Variants in SESN1 observed in about 807,000 individuals in gnomAD.
SESN1 encodes the protein sestrin 1, also known as sestrin-1.
In SESN1, 30 loss-of-function variants were observed where a neutral mutation model predicts 59.3. The observed-to-expected ratio is 0.51, with a 90% CI of 0.38 to 0.69. The LOEUF (loss-of-function observed/expected upper bound fraction) is 0.69, where lower values mean the gene tolerates loss of function less well. Ranked by LOEUF, SESN1 falls within the 30% of genes least tolerant of loss-of-function variation. The probability of loss-of-function intolerance (pLI) is 0.00; values close to 1 mark genes in which losing one functional copy is unlikely to be tolerated. For synonymous variants in SESN1, 197 were observed against 219.9 expected (o/e 0.90, Z 0.92); for missense variants, 566 against 673.0 (o/e 0.84, Z 1.76).
At chr6:109,011,885 T>C (rs1779865317) in intron 1 of SESN1, among the ~76,000 whole-genome samples, 1 of 152,140 alleles carries the variant, frequency 6.6e-6, no homozygotes, top group Admixed American at 6.5e-5. Flanking sequence ...CGCCTTTGCC[T>C]CCCAAAGTGC....
At chr6:108,989,326 T>C (rs1200284331) in intron 8 of SESN1, among the ~76,000 whole-genome samples, 1 of 152,116 alleles carries the variant, frequency 6.6e-6, no homozygotes, top group African/African-American at 2.4e-5. Context: ...AAACAGATTT[T>C]GAGTATTATC....
At chr6:108,989,013 CTAT>C (rs1428672384) in intron 8 of SESN1, among the ~76,000 whole-genome samples, 1 of 152,064 alleles carries the variant, frequency 6.6e-6, no homozygotes, top group African/African-American at 2.4e-5. Flanking sequence ...GAGGAACAAA[CTAT>C]TATTGAGACG....
chr6:109,023,371 T>C (rs1437829431), intron 1 of SESN1, among the ~76,000 whole-genome samples: 1 of 152,236 alleles, frequency 6.6e-6, no homozygotes, highest in African/African-American at 2.4e-5. Flanking sequence ...AATGTTATCA[T>C]GCTGAATAAG....
intron 9 of SESN1, chr6:108,988,320 T>A (rs746016287): frequency 2.5e-6 from 1 of 397,426 alleles, no homozygotes; most frequent in Non-Finnish European, 4.5e-6. Context: ...ATGCCAGCAC[T>A]TCTGAAGACG....
intron 1 of SESN1, among the ~76,000 whole-genome samples, chr6:109,060,475 T>C (rs376764570): frequency 2.2e-4 from 34 of 152,352 alleles, no homozygotes; most frequent in African/African-American, 7.5e-4. Context: ...GCCTTTTCTA[T>C]TGATTAGTTC....
At chr6:109,061,978 T>C (rs1780741062) in intron 1 of SESN1, among the ~76,000 whole-genome samples, 1 of 152,178 alleles carries the variant, frequency 6.6e-6, no homozygotes, top group Non-Finnish European at 1.5e-5. Flanking sequence ...TAAAAGATGG[T>C]GCTCTGAGGA....
At chr6:109,057,108 C>A (rs889857515) in intron 1 of SESN1, among the ~76,000 whole-genome samples, 1 of 152,194 alleles carries the variant, frequency 6.6e-6, no homozygotes, top group African/African-American at 2.4e-5. Flanking sequence ...CCAGCTCAAA[C>A]AAGCCTTCAG....
intron 1 of SESN1, among the ~76,000 whole-genome samples, chr6:109,022,636 G>A (rs1294291022): frequency 6.6e-6 from 1 of 151,566 alleles, no homozygotes; most frequent in East Asian, 1.9e-4. Flanking sequence ...GGATGGTCTC[G>A]ATCTCCTGAC....
rs980131301 is a variant in SESN1 at position 109,053,034 on chromosome 6, T to C, written c.279+40761A>G. Among the ~76,000 whole-genome samples, 4 of 152,068 alleles carry C rather than the reference T, an allele frequency of 2.6e-5. No homozygotes were observed. In the East Asian group the frequency reaches 7.7e-4, roughly 29 times the overall value. On this transcript the variant is annotated intron_variant, in intron 1 of 9. Coordinates refer to ENST00000436639, the MANE Select transcript of SESN1 (RefSeq NM_014454.3). ...CGTCACTATTCAATAAAAGGAGCTG[T>C]TCAAGACTAGGATGTGTGTGTGTGT...
intron 1 of SESN1, among the ~76,000 whole-genome samples, chr6:109,010,960 C>G (rs1444485189): frequency 6.6e-6 from 1 of 152,180 alleles, no homozygotes; most frequent in Non-Finnish European, 1.5e-5. Flanking sequence ...CACATAAATG[C>G]ACTTGATGTA....
rs375360301 is a variant in SESN1 at position 108,988,564 on chromosome 6, C to T, written c.1548G>A (p.Arg516=). 7.5e-6 allele frequency: 12 copies of T among 1,610,518 alleles called. No individual in the cohort carries two copies. The African/African-American group carries it at 1.2e-4, about 16-fold the overall frequency. The part of the protein sequence containing the change: ...VTKRMYDSFW[R]QFKHSEKVHV... ...ATACCTTCTCAGAGTGCTTGAACTG[C>T]CTCCAGAAGCTATCATACATTCTTT... The change falls in exon 9 of 10, where the codon AGG becomes AGA. Residue 516 remains arginine (R), a synonymous_variant. Coordinates refer to ENST00000436639, the MANE Select transcript of SESN1 (RefSeq NM_014454.3).
intron 1 of SESN1, among the ~76,000 whole-genome samples, chr6:109,016,790 C>T (rs998869917): frequency 6.6e-6 from 1 of 152,044 alleles, no homozygotes; most frequent in African/African-American, 2.4e-5. Flanking sequence ...ATGCTTTTTA[C>T]AGGAATTCAG....
chr6:109,051,389 T>C (rs1032124138), intron 1 of SESN1, among the ~76,000 whole-genome samples: 1 of 152,216 alleles, frequency 6.6e-6, no homozygotes, highest in Non-Finnish European at 1.5e-5. Context: ...ATTTTTAACA[T>C]AAAAGGAGTT....
intron 1 of SESN1, among the ~76,000 whole-genome samples, chr6:109,030,623 A>G (rs891885413): frequency 2.0e-5 from 3 of 152,210 alleles, no homozygotes; most frequent in Non-Finnish European, 2.9e-5. Context: ...CACAAAGGAA[A>G]AAAATAAGTC....
chr6:109,038,617 T>C (rs982225372), intron 1 of SESN1, among the ~76,000 whole-genome samples: 4 of 152,248 alleles, frequency 2.6e-5, no homozygotes, highest in African/African-American at 4.8e-5. Flanking sequence ...ACATTTCTGT[T>C]TCTCATTTCA....
In SESN1 at chr6:108,990,753, T is replaced by C; in HGVS notation, c.1316A>G (p.His439Arg). The C allele has an allele frequency of 6.2e-7, 1 of 1,614,094 alleles. No homozygotes were observed. The highest frequency in any genetic ancestry group is 8.5e-7 in the Non-Finnish European group (1 of 1,179,984). ...ATTATAAGTAAGATTGTAAGCAATG[T>C]GAAATTTTTCATCAATCAACTGTCC... Reference protein sequence around the residue: ...DVGQLIDEKFHIAYNLTYNTM... With the variant: ...DVGQLIDEKFRIAYNLTYNTM... The change falls in exon 8 of 10, where the codon CAC (histidine) becomes CGC (arginine). Residue 439 changes from histidine to arginine, a missense_variant. His to Arg is a conservative substitution (Grantham distance 29). Coordinates refer to ENST00000436639, the MANE Select transcript of SESN1 (RefSeq NM_014454.3).
intron 1 of SESN1, among the ~76,000 whole-genome samples, chr6:109,025,626 G>A (rs1181620333): frequency 6.6e-6 from 1 of 150,472 alleles, no homozygotes; most frequent in Non-Finnish European, 1.5e-5. Context: ...TGAGAAACAG[G>A]AAACTATCAA....
chr6:109,028,471 A>G (rs1267921041), intron 1 of SESN1, among the ~76,000 whole-genome samples: 1 of 152,030 alleles, frequency 6.6e-6, no homozygotes, highest in African/African-American at 2.4e-5. Flanking sequence ...ATTTGCATGT[A>G]TGTATGTTAA....
chr6:109,015,968 TTAAA>T (rs1291833472), intron 1 of SESN1, among the ~76,000 whole-genome samples: 1 of 152,164 alleles, frequency 6.6e-6, no homozygotes, highest in East Asian at 1.9e-4. Flanking sequence ...ACCTATAATT[TTAAA>T]TACGAGGAAT....
Sources: gnomAD v4.1 joint callset for allele counts (sites outside exome capture counted in the v4.1 genomes callset) on GRCh38, gnomAD v4.1.1 for gene constraint, MANE v1.5 for transcripts, NCBI Gene and HGNC (gene_info 2026-07-23, HGNC 2026-07-21) for gene names.